The following RHBDF2 variants were observed in gnomAD, a reference collection of about 807,000 sequenced individuals.
RHBDF2 encodes inactive rhomboid protein 2.
RHBDF2 carries 38 observed loss-of-function variants against 95.2 expected under a neutral mutation model. The ratio of observed to expected loss-of-function variants is 0.40; its 90% CI spans 0.31 to 0.52. The LOEUF (loss-of-function observed/expected upper bound fraction) is 0.52. RHBDF2 is among the 20% of genes least tolerant of loss of function. RHBDF2 has a pLI of 0.56. For synonymous variants in RHBDF2, 442 were observed against 462.0 expected, an observed-to-expected ratio of 0.96 and a Z score of 0.55; for missense variants, 863 against 1,137.7, an observed-to-expected ratio of 0.76 and a Z score of 3.47.
At chr17:76,475,166 CT>C in intron 9 of RHBDF2, 25 bp from the exon 10 acceptor site, 1 of 1,523,780 alleles carries the variant, frequency 6.6e-7, no homozygotes. Flanking sequence ...CTCGGGTCAG[CT>C]GAGCCGAGCT....
At chr17:76,490,389 A>C (rs955978512) in intron 1 of RHBDF2, among the ~76,000 whole-genome samples, 2 of 151,944 alleles carry the variant, frequency 1.3e-5, no homozygotes, top group Non-Finnish European at 2.9e-5. Context: ...CCGGGACCCC[A>C]CTCGGTTGAA....
chr17:76,494,817 G>T (rs891776646), intron 1 of RHBDF2, among the ~76,000 whole-genome samples: 1 of 152,166 alleles, frequency 6.6e-6, no homozygotes, highest in South Asian at 2.1e-4. Flanking sequence ...GCAGCTGGGC[G>T]GGGATGCAGG....
intron 7 of RHBDF2, 121 bp downstream of exon 7, chr17:76,477,536 C>T: frequency 2.4e-6 from 3 of 1,226,176 alleles, no homozygotes; most frequent in Non-Finnish European, 3.5e-6. Context: ...GACCATGCCA[C>T]ATCCCAGCAG....
intron 1 of RHBDF2, among the ~76,000 whole-genome samples, chr17:76,496,294 C>T (rs1007606116): frequency 6.6e-6 from 1 of 152,240 alleles, no homozygotes; most frequent in Non-Finnish European, 1.5e-5. Flanking sequence ...ACGAGCCCCA[C>T]AGGGGACAGA....
intron 1 of RHBDF2, among the ~76,000 whole-genome samples, chr17:76,492,036 C>T (rs1315597228): frequency 6.6e-6 from 1 of 152,192 alleles, no homozygotes; most frequent in Non-Finnish European, 1.5e-5. Context: ...ACCCAGCCCA[C>T]AGGCGGAACA....
rs1285274448 is a variant in RHBDF2, at chr17:76,474,097, G to C, written c.1510C>G (p.Pro504Ala). Residue 504 changes from proline (P) to alanine (A), a missense_variant, in exon 13 of 19, where the codon CCC becomes GCC. Transcript: ENST00000675367. The part of the protein sequence containing the change: ...FVKWQDDTGP[P>A]MDKSDLGQKR... ...TGGCCCAGATCAGACTTGTCCATGG[G>C]GGGCCCAGTGTCATCCTGCCACTTG... is the stretch of plus-strand genomic sequence containing the variant. 3.1e-6 allele frequency: 5 copies of C among 1,607,306 alleles called. No homozygotes were observed. Among genetic ancestry groups the C allele is most frequent in the Non-Finnish European group, 4.2e-6 (5 of 1,177,630 alleles).
intron 1 of RHBDF2, among the ~76,000 whole-genome samples, chr17:76,491,891 A>C (rs945635776): frequency 6.2e-4 from 94 of 152,114 alleles, no homozygotes; most frequent in Admixed American, 4.1e-3. Flanking sequence ...GAGCTACCCC[A>C]CCCAGCACTT....
At position 76,476,864 on chromosome 17, in the gene RHBDF2, C is replaced by A. The variant is rs1238035237; in HGVS notation, c.1081G>T (p.Val361Leu). ...RSYRRSISST[V>L]QRQLESFDSH... ...TCGAAGCTCTCCAGCTGCCGCTGCA[C>A]AGTGCTGCTGATGCTGCGGCGGTAG... Residue 361 changes from valine (V) to leucine (L), a missense_variant, in exon 9 of 19, where the codon GTG becomes TTG. Transcript: ENST00000675367. The A allele has an allele frequency of 6.2e-7, 1 of 1,611,950 alleles. No homozygotes were observed. The highest frequency in any genetic ancestry group is 8.5e-7 in the Non-Finnish European group (1 of 1,179,484).
chr17:76,495,779 G>A (rs756968736), intron 1 of RHBDF2, among the ~76,000 whole-genome samples: 1 of 152,170 alleles, frequency 6.6e-6, no homozygotes, highest in Non-Finnish European at 1.5e-5. Flanking sequence ...CAGCAGGGAG[G>A]GAAAATGCCA....
chr17:76,490,291 C>T (rs912340123), intron 1 of RHBDF2, among the ~76,000 whole-genome samples: 1 of 152,162 alleles, frequency 6.6e-6, no homozygotes, highest in African/African-American at 2.4e-5. Flanking sequence ...CCCCACCCCC[C>T]AGGGCAGACT....
At chr17:76,485,236 T>C (rs948666487) in intron 2 of RHBDF2, among the ~76,000 whole-genome samples, 3 of 151,956 alleles carry the variant, frequency 2.0e-5, no homozygotes, top group African/African-American at 7.2e-5. Flanking sequence ...GGAGAAAGCC[T>C]ATCTCTACTA....
At chr17:76,496,556 G>A (rs2074430554) in intron 1 of RHBDF2, among the ~76,000 whole-genome samples, 1 of 152,232 alleles carries the variant, frequency 6.6e-6, no homozygotes, top group Non-Finnish European at 1.5e-5. Context: ...AGAAGGGACA[G>A]CACCTAACTG....
intron 4 of RHBDF2, 185 bp from the exon 5 acceptor site, chr17:76,479,462 G>A (rs539086688): frequency 3.2e-4 from 300 of 934,804 alleles, no homozygotes; most frequent in Middle Eastern, 8.6e-4. Context: ...TGACGGGAGC[G>A]TGAGGAGCCA....
intron 12 of RHBDF2, 44 bp downstream of exon 12, chr17:76,474,329 G>A (rs200699585): frequency 4.6e-5 from 73 of 1,595,740 alleles, no homozygotes; most frequent in Admixed American, 5.0e-5. Flanking sequence ...GAGCTAGTCC[G>A]GGACCAGGGT....
intron 4 of RHBDF2, 189 bp from the exon 5 acceptor site, chr17:76,479,466 G>A (rs1312993158): frequency 1.1e-5 from 10 of 917,776 alleles, no homozygotes; most frequent in Non-Finnish European, 1.7e-5. Context: ...GGGAGCGTGA[G>A]GAGCCAGGCT....
chr17:76,498,784 A>AAG (rs1320014843), intron 1 of RHBDF2, among the ~76,000 whole-genome samples: 2 of 77,034 alleles, frequency 2.6e-5, no homozygotes, highest in East Asian at 4.7e-4. Context: ...GCTGGAGAGA[A>AAG]AGAGAGTGTG....
intron 12 of RHBDF2, 49 bp from the exon 13 acceptor site, chr17:76,474,191 C>A (rs759846810): frequency 1.8e-5 from 26 of 1,416,876 alleles, no homozygotes; most frequent in Non-Finnish European, 4.8e-6. Flanking sequence ...CAGGTCACCC[C>A]CACTGGAGTG....
Position 76,473,896 on chromosome 17 carries a change from G to C in RHBDF2, c.1581C>G (p.Cys527Trp). 1.2e-6 allele frequency: 2 copies of C among 1,613,856 alleles called. No homozygotes were observed. Among genetic ancestry groups the C allele is most frequent in the Non-Finnish European group, 1.7e-6 (2 of 1,179,958 alleles). ...GAVCHQDPRT[C>W]EEPASSGAHI... is the part of the protein sequence containing the mutation. The stretch of plus-strand genomic sequence containing the variant: ...GGGCACCGCTGGAGGCTGGCTCCTC[G>C]CAGGTCCTGGAGACAGGGTTCAGAT... The change falls in exon 14 of 19, where the codon TGC becomes TGG. Residue 527 changes from cysteine to tryptophan, a missense_variant. By Grantham distance (215) the Cys-to-Trp change is radical. Around this residue, in one of 2 missense-constraint regions of RHBDF2, gnomAD observed 252 missense variants for 412.2 expected, o/e 0.61. Coordinates refer to ENST00000675367, the MANE Select transcript of RHBDF2 (RefSeq NM_001005498.4).
At chr17:76,480,790 C>T (rs949576143) in intron 3 of RHBDF2, among the ~76,000 whole-genome samples, 4 of 152,218 alleles carry the variant, frequency 2.6e-5, no homozygotes, top group African/African-American at 9.6e-5. Context: ...CCATGACGCT[C>T]CTGCCTGCTG....
Sources: allele counts gnomAD v4.1 joint callset (sites outside exome capture counted in the v4.1 genomes callset), GRCh38; gene constraint gnomAD v4.1.1; regional missense constraint gnomAD v4.1.1; transcripts MANE v1.5; gene names NCBI Gene and HGNC (gene_info 2026-07-23, HGNC 2026-07-21).